Variants in AGBL1 observed in about 807,000 individuals in gnomAD.
AGBL1 encodes AGBL carboxypeptidase 1.
Under a neutral mutation model 118.9 loss-of-function variants are expected in AGBL1, and 130 were observed. That is an observed-to-expected ratio of 1.09 (90% CI 0.95 to 1.26). The LOEUF is 1.26. AGBL1 is among the 50% of genes most tolerant of loss of function. The pLI, the probability that AGBL1 is intolerant of heterozygous loss-of-function variation, is 0.00. For missense variants in AGBL1, 1,584 were observed against 1,298.1 expected, an observed-to-expected ratio of 1.22 and a Z score of -3.38; for synonymous variants, 555 against 478.9, an observed-to-expected ratio of 1.16 and a Z score of -2.08.
chr15:86,147,497 C>T (rs193300544), intron 3 of AGBL1, among the ~76,000 whole-genome samples: 219 of 152,336 alleles, frequency 1.4e-3, no homozygotes, highest in African/African-American at 4.9e-3. Context: ...CCCACGGAGC[C>T]TTGCTCACTG....
chr15:86,900,109 A>G (rs978583224), intron 22 of AGBL1, among the ~76,000 whole-genome samples: 2 of 152,122 alleles, frequency 1.3e-5, no homozygotes, highest in African/African-American at 4.8e-5. Context: ...GTGATTTGCC[A>G]GGAGCTCTCG....
chr15:86,351,753 A>G (rs1567212735), intron 17 of AGBL1, among the ~76,000 whole-genome samples: 1 of 152,136 alleles, frequency 6.6e-6, no homozygotes, highest in East Asian at 1.9e-4. Context: ...ACCAGAGACA[A>G]GTAACTTTGG....
chr15:86,752,659 T>A (rs1274847954), intron 22 of AGBL1, among the ~76,000 whole-genome samples: 2 of 152,046 alleles, frequency 1.3e-5, no homozygotes, highest in East Asian at 1.9e-4. Flanking sequence ...CTTTTTACTG[T>A]TATCTATATT....
At chr15:86,935,870 A>G (rs967893518) in intron 23 of AGBL1, among the ~76,000 whole-genome samples, 2 of 152,256 alleles carry the variant, frequency 1.3e-5, no homozygotes, top group Non-Finnish European at 2.9e-5. Context: ...CAATGTTCCA[A>G]ATGTATTCCC....
At chr15:86,812,652 G>T (rs1350395327) in intron 22 of AGBL1, among the ~76,000 whole-genome samples, 1 of 152,112 alleles carries the variant, frequency 6.6e-6, no homozygotes, top group African/African-American at 2.4e-5. Context: ...AGTTCATAGA[G>T]CACAGTAGAT....
chr15:87,009,884 A>C (rs555208188), intron 24 of AGBL1, among the ~76,000 whole-genome samples: 1 of 152,204 alleles, frequency 6.6e-6, no homozygotes, highest in Non-Finnish European at 1.5e-5. Flanking sequence ...TATTTACCCA[A>C]TGCCTACACC....
intron 22 of AGBL1, among the ~76,000 whole-genome samples, chr15:86,739,544 A>T (rs1026860618): frequency 7.9e-5 from 12 of 151,222 alleles, no homozygotes; most frequent in Middle Eastern, 6.8e-3. Flanking sequence ...GAAATTAGAC[A>T]TGTGAGAGTA....
intron 5 of AGBL1, among the ~76,000 whole-genome samples, chr15:86,194,793 G>T (rs1279570120): frequency 1.3e-5 from 2 of 152,180 alleles, no homozygotes; most frequent in African/African-American, 4.8e-5. Flanking sequence ...ACACTATGGT[G>T]ATTTAATCAT....
intron 23 of AGBL1, among the ~76,000 whole-genome samples, chr15:86,961,421 A>C (rs1244551353): frequency 6.6e-6 from 1 of 151,994 alleles, no homozygotes; most frequent in East Asian, 1.9e-4. Flanking sequence ...TGCTATGCCA[A>C]ACTTCTACCG....
At chr15:86,491,421 T>G (rs2082776985) in intron 18 of AGBL1, among the ~76,000 whole-genome samples, 1 of 152,174 alleles carries the variant, frequency 6.6e-6, no homozygotes, top group African/African-American at 2.4e-5. Flanking sequence ...GGATCCTTTC[T>G]GACTCTATCC....
At chr15:86,367,443 G>A (rs2080906073) in intron 17 of AGBL1, among the ~76,000 whole-genome samples, 1 of 152,106 alleles carries the variant, frequency 6.6e-6, no homozygotes, top group African/African-American at 2.4e-5. Context: ...TGATTTTTGT[G>A]CCAGTTTTTA....
chr15:86,297,621 C>A (rs1236120733), intron 17 of AGBL1, among the ~76,000 whole-genome samples: 1 of 152,164 alleles, frequency 6.6e-6, no homozygotes, highest in Non-Finnish European at 1.5e-5. Flanking sequence ...CCAAATTATG[C>A]ATGAAGAGCT....
chr15:86,086,710 C>T (rs1375405596), intron 1 of AGBL1, among the ~76,000 whole-genome samples: 2 of 152,066 alleles, frequency 1.3e-5, no homozygotes, highest in African/African-American at 2.4e-5. Flanking sequence ...ATGGAGGAAT[C>T]GCACAAAGTT....
intron 18 of AGBL1, among the ~76,000 whole-genome samples, chr15:86,456,961 C>G (rs1323817162): frequency 1.3e-5 from 2 of 152,058 alleles, no homozygotes; most frequent in East Asian, 3.8e-4. Flanking sequence ...ATTAAGTATT[C>G]CTTATGGATT....
chr15:86,429,258 C>T (rs2081904248), intron 18 of AGBL1, among the ~76,000 whole-genome samples: 1 of 152,160 alleles, frequency 6.6e-6, no homozygotes, highest in African/African-American at 2.4e-5. Context: ...TAAAACATGC[C>T]AAATGTGGGA....
intron 22 of AGBL1, among the ~76,000 whole-genome samples, chr15:86,725,030 G>T (rs2086798166): frequency 6.6e-6 from 1 of 152,102 alleles, no homozygotes; most frequent in Admixed American, 6.5e-5. Context: ...CGAATACAGT[G>T]GTATATGAAG....
chr15:86,796,475 C>G (rs1322727873), intron 22 of AGBL1, among the ~76,000 whole-genome samples: 4 of 152,174 alleles, frequency 2.6e-5, no homozygotes. Flanking sequence ...ATGCCACAGT[C>G]CGAAATACCT....
chr15:86,083,891 G>T (rs930065653), intron 1 of AGBL1, among the ~76,000 whole-genome samples: 3 of 152,208 alleles, frequency 2.0e-5, no homozygotes, highest in African/African-American at 7.2e-5. Context: ...CAGACGCTGA[G>T]CTTTTCCCTT....
chr15:86,356,363 C>T (rs960501805), intron 17 of AGBL1, among the ~76,000 whole-genome samples: 38 of 148,958 alleles, frequency 2.6e-4, no homozygotes, highest in Non-Finnish European at 4.0e-4. Flanking sequence ...TGTGCGCGTG[C>T]GCCCGCACGC....
Sources: allele counts gnomAD v4.1 joint callset (sites outside exome capture counted in the v4.1 genomes callset), GRCh38; gene constraint gnomAD v4.1.1; transcripts MANE v1.5; gene names NCBI Gene and HGNC (gene_info 2026-07-23, HGNC 2026-07-21).